Variants in FAR2 observed in about 807,000 individuals in gnomAD.
FAR2 encodes epididymis secretory protein Li 81.
A neutral mutation model predicts 56.0 loss-of-function variants in FAR2; 19 were observed. That is an observed-to-expected ratio of 0.34 (90% CI 0.24 to 0.50). FAR2 has a LOEUF of 0.50. FAR2 is among the 20% of genes least tolerant of loss of function. The pLI is 0.98. For missense variants in FAR2, 508 were observed against 642.2 expected, an observed-to-expected ratio of 0.79 and a Z score of 2.26; for synonymous variants, 219 against 218.8, an observed-to-expected ratio of 1.00 and a Z score of -0.01.
At chr12:29,309,340 CTAA>C in intron 6 of FAR2, 110 bp downstream of exon 6, 1 of 761,892 alleles carries the variant, frequency 1.3e-6, no homozygotes. Flanking sequence ...TGTTACTTTA[CTAA>C]TAACTGAGGC....
chr12:29,291,391 GTTCT>G (rs1321480150), intron 2 of FAR2: 1 of 455,886 alleles, frequency 2.2e-6, no homozygotes, highest in Non-Finnish European at 4.4e-6. Context: ...TTTTAACCAG[GTTCT>G]TTGATTTTTC....
At chr12:29,233,830 A>T (rs1052069548) in intron 1 of FAR2, among the ~76,000 whole-genome samples, 1 of 152,184 alleles carries the variant, frequency 6.6e-6, no homozygotes, top group Non-Finnish European at 1.5e-5. Context: ...GGAACAAGTT[A>T]TCCTGTTATA....
In FAR2 at chr12:29,335,394, G is replaced by T. The variant is rs1433522310; in HGVS notation, c.*1600G>T. The T allele has an allele frequency of 1.3e-5, 2 of 152,128 alleles. No homozygotes were observed. The highest frequency in any genetic ancestry group is 4.8e-5 in the African/African-American group (2 of 41,428). The allele number at this position is 152,128 out of a possible 1,614,324, so 9.4% of individuals were successfully genotyped here. A position where few individuals can be genotyped will look rare whatever the true frequency, so the allele number is the denominator to read the frequency against. On this transcript the variant is annotated 3_prime_UTR_variant, in exon 12 of 12. Coordinates refer to ENST00000536681, the MANE Select transcript of FAR2 (RefSeq NM_001271783.2). ...GAAACTAAGCACCTGGTGATCTTTA[G>T]TTTGAGATGTCTATATGGTACTTTT... is the stretch of plus-strand genomic sequence containing the variant.
intron 1 of FAR2, among the ~76,000 whole-genome samples, chr12:29,154,181 GAAGA>G (rs1949703892): frequency 6.6e-6 from 1 of 152,186 alleles, no homozygotes. Flanking sequence ...AAAAATTAGG[GAAGA>G]AAGATCTGAT....
chr12:29,180,989 AT>A (rs1164193534), intron 1 of FAR2, among the ~76,000 whole-genome samples: 1 of 152,034 alleles, frequency 6.6e-6, no homozygotes, highest in Non-Finnish European at 1.5e-5. Context: ...AAGCACATAT[AT>A]TTTTACATAA....
intron 10 of FAR2, among the ~76,000 whole-genome samples, chr12:29,327,357 C>T (rs1444562223): frequency 6.6e-6 from 1 of 152,084 alleles, no homozygotes; most frequent in Non-Finnish European, 1.5e-5. Flanking sequence ...CAATGCCATC[C>T]CCATCAAGCT....
intron 1 of FAR2, among the ~76,000 whole-genome samples, chr12:29,235,210 A>G (rs902731328): frequency 5.9e-5 from 9 of 152,290 alleles, no homozygotes; most frequent in South Asian, 4.1e-4. Flanking sequence ...GAGTCATTCT[A>G]TAGTGTTTAG....
chr12:29,264,321 C>A (rs551706605), intron 1 of FAR2, among the ~76,000 whole-genome samples: 1 of 152,178 alleles, frequency 6.6e-6, no homozygotes, highest in East Asian at 1.9e-4. Flanking sequence ...AAGGAACATA[C>A]CTCAACACAA....
chr12:29,302,486 T>G (rs941536222), intron 4 of FAR2, among the ~76,000 whole-genome samples: 1 of 152,088 alleles, frequency 6.6e-6, no homozygotes, highest in African/African-American at 2.4e-5. Context: ...CCAGGCGTGT[T>G]TGGGACACAG....
At chr12:29,245,932 T>C (rs1948121214) in intron 1 of FAR2, among the ~76,000 whole-genome samples, 1 of 152,216 alleles carries the variant, frequency 6.6e-6, no homozygotes, top group South Asian at 2.1e-4. Flanking sequence ...AGCTTCACAA[T>C]ACACAAATGA....
At chr12:29,309,307 C>A in intron 6 of FAR2, 77 bp downstream of exon 6, 1 of 1,018,262 alleles carries the variant, frequency 9.8e-7, no homozygotes, top group Non-Finnish European at 1.5e-6. Context: ...GCTGGCTTAG[C>A]TTCATTGATC....
rs572120548 is a variant in FAR2, at chr12:29,179,762, C to T, written c.-39+30355C>T. On this transcript the variant is annotated intron_variant, in intron 1 of 11. Coordinates refer to ENST00000536681, the MANE Select transcript of FAR2 (RefSeq NM_001271783.2). Reference sequence around the variant, plus strand: ...CATCTGTCTCCTCTACTTTAGTGATCCAGTGTCTGAATCAAGTAATCAGTT... The same window carrying T: ...CATCTGTCTCCTCTACTTTAGTGATTCAGTGTCTGAATCAAGTAATCAGTT... 8.3e-4 allele frequency among the ~76,000 whole-genome samples: 126 copies of T among 152,226 alleles called. 1 individual carries two copies. Among genetic ancestry groups the T allele is most frequent in the African/African-American group, 2.9e-3 (119 of 41,532 alleles).
rs148344292 is a variant in FAR2 at position 29,163,216 on chromosome 12, A to G, written c.-39+13809A>G. On this transcript the variant is annotated intron_variant, in intron 1 of 11. Coordinates refer to ENST00000536681, the MANE Select transcript of FAR2 (RefSeq NM_001271783.2). ...CAAGATGTGTGACCGTGGACAAATC[A>G]CTTTATTTCTCTGTGCCTTAGTTTT... Among the ~76,000 whole-genome samples the G allele has an allele frequency of 1.4e-3, 212 of 152,288 alleles. 1 individual carries two copies. The South Asian group carries it at 0.02, about 14-fold the overall frequency.
At chr12:29,322,980 C>T (rs992830185) in intron 10 of FAR2, among the ~76,000 whole-genome samples, 5 of 152,194 alleles carry the variant, frequency 3.3e-5, no homozygotes, top group African/African-American at 7.2e-5. Flanking sequence ...GAGATGAACC[C>T]GGTACCTCAG....
intron 2 of FAR2, among the ~76,000 whole-genome samples, chr12:29,274,876 C>T (rs772874865): frequency 1.3e-5 from 2 of 151,434 alleles, no homozygotes; most frequent in African/African-American, 4.8e-5. Context: ...GGACTCAGCC[C>T]GCCTGCACCC....
chr12:29,188,843 C>A (rs985430072), intron 1 of FAR2, among the ~76,000 whole-genome samples: 3 of 151,530 alleles, frequency 2.0e-5, no homozygotes, highest in African/African-American at 7.3e-5. Context: ...AAAAATTTTC[C>A]CAGTCTGAGG....
At chr12:29,169,826 ATTCTAGT>A (rs1381262465) in intron 1 of FAR2, among the ~76,000 whole-genome samples, 1 of 152,178 alleles carries the variant, frequency 6.6e-6, no homozygotes, top group Non-Finnish European at 1.5e-5. Flanking sequence ...TATACCTGCT[ATTCTAGT>A]TTCTGTAGCA....
At chr12:29,295,829 C>T (rs992709776) in intron 3 of FAR2, among the ~76,000 whole-genome samples, 2 of 131,778 alleles carry the variant, frequency 1.5e-5, no homozygotes, top group Admixed American at 1.7e-4. Flanking sequence ...ACTGCAGTGG[C>T]GCAATCTCGG....
chr12:29,157,091 A>G, intron 1 of FAR2: 1 of 136,176 alleles, frequency 7.3e-6, no homozygotes, highest in African/African-American at 2.7e-5. Flanking sequence ...CACCAGTATT[A>G]AAGCAAAGAA....
Sources: gnomAD v4.1 joint callset for allele counts (sites outside exome capture counted in the v4.1 genomes callset) on GRCh38, gnomAD v4.1.1 for gene constraint, MANE v1.5 for transcripts, NCBI Gene and HGNC (gene_info 2026-07-23, HGNC 2026-07-21) for gene names.